NIPAL2: variants seen among roughly 807,000 people sequenced by gnomAD.
NIPAL2 encodes the protein NIPA-like protein 2.
Under a neutral mutation model 48.9 loss-of-function variants are expected in NIPAL2, and 43 were observed. That is an observed-to-expected ratio of 0.88 (90% CI 0.69 to 1.13). The LOEUF (loss-of-function observed/expected upper bound fraction) is 1.13, where lower values mean the gene tolerates loss of function less well. Ranked by LOEUF, NIPAL2 falls within the 50% of genes most tolerant of loss-of-function variation. The pLI, the probability that NIPAL2 is intolerant of heterozygous loss-of-function variation, is 0.00. For missense variants in NIPAL2, 446 were observed against 461.4 expected, an observed-to-expected ratio of 0.97 and a Z score of 0.31; for synonymous variants, 167 against 174.6, an observed-to-expected ratio of 0.96 and a Z score of 0.34.
chr8:98,225,045 C>A (rs971380246), intron 4 of NIPAL2, among the ~76,000 whole-genome samples: 2 of 152,174 alleles, frequency 1.3e-5, no homozygotes, highest in Non-Finnish European at 2.9e-5. Context: ...GAGTGAGCCA[C>A]CGTGCCCGGC....
intron 1 of NIPAL2, among the ~76,000 whole-genome samples, chr8:98,280,510 G>A (rs1815739699): frequency 6.6e-6 from 1 of 151,732 alleles, no homozygotes; most frequent in Non-Finnish European, 1.5e-5. Flanking sequence ...CACACCAGGG[G>A]ACGTGTCTGA....
chr8:98,259,202 G>A (rs1025575011), intron 1 of NIPAL2, among the ~76,000 whole-genome samples: 15 of 146,662 alleles, frequency 1.0e-4, no homozygotes, highest in African/African-American at 2.8e-4. Context: ...TCAGCCTCCC[G>A]TGTAGCTGGG....
At chr8:98,291,626 T>C (rs1029892384) in intron 1 of NIPAL2, among the ~76,000 whole-genome samples, 5 of 152,352 alleles carry the variant, frequency 3.3e-5, no homozygotes, top group East Asian at 3.9e-4. Flanking sequence ...TAGTGCTTTG[T>C]ACATAGCATG....
chr8:98,289,048 T>C (rs543864421), intron 1 of NIPAL2, among the ~76,000 whole-genome samples: 6 of 152,318 alleles, frequency 3.9e-5, no homozygotes, highest in African/African-American at 1.4e-4. Flanking sequence ...TCTATTTTAA[T>C]CTATAGGTCA....
intron 1 of NIPAL2, among the ~76,000 whole-genome samples, chr8:98,280,755 T>G (rs1486504939): frequency 0.011 from 361 of 32,262 alleles, 5 homozygotes; most frequent in East Asian, 0.027. Context: ...TATATATATA[T>G]ATATATAGAG....
At chr8:98,206,112 G>A (rs540245402) in intron 6 of NIPAL2, among the ~76,000 whole-genome samples, 64 of 152,200 alleles carry the variant, frequency 4.2e-4, no homozygotes, top group Admixed American at 1.6e-3. Flanking sequence ...TATGTCCCTC[G>A]AAGTTACTGT....
chr8:98,274,259 ATCTATCTATCTC>A (rs1815329289), intron 1 of NIPAL2, among the ~76,000 whole-genome samples: 1 of 151,896 alleles, frequency 6.6e-6, no homozygotes, highest in Non-Finnish European at 1.5e-5. Flanking sequence ...TCATCTATCT[ATCTATCTATCTC>A]TCTATCTATC....
intron 1 of NIPAL2, among the ~76,000 whole-genome samples, chr8:98,284,386 T>C (rs906405799): frequency 1.3e-5 from 2 of 149,900 alleles, no homozygotes; most frequent in Non-Finnish European, 3.0e-5. Flanking sequence ...GTTTTTCAAG[T>C]ATTTCTAAGG....
intron 1 of NIPAL2, among the ~76,000 whole-genome samples, chr8:98,265,820 G>A (rs1814687303): frequency 6.8e-6 from 1 of 147,252 alleles, no homozygotes; most frequent in South Asian, 2.2e-4. Context: ...CTGCTATAAA[G>A]ACACATGCAC....
At chr8:98,271,830 T>C (rs1173645948) in intron 1 of NIPAL2, among the ~76,000 whole-genome samples, 2 of 152,132 alleles carry the variant, frequency 1.3e-5, no homozygotes, top group African/African-American at 4.8e-5. Context: ...GGATTTGTCA[T>C]AGATGGCTCT....
chr8:98,287,250 CT>C (rs1291752713), intron 1 of NIPAL2, among the ~76,000 whole-genome samples: 3 of 152,304 alleles, frequency 2.0e-5, no homozygotes, highest in Middle Eastern at 3.4e-3. Context: ...CACCAAACAC[CT>C]CTATCAGCTG....
intron 5 of NIPAL2, among the ~76,000 whole-genome samples, chr8:98,217,561 G>A (rs1024555124): frequency 6.6e-6 from 1 of 152,128 alleles, no homozygotes; most frequent in Non-Finnish European, 1.5e-5. Context: ...TGCCACATCT[G>A]AGGATTAAAT....
intron 1 of NIPAL2, among the ~76,000 whole-genome samples, chr8:98,260,257 T>C (rs1433415055): frequency 1.3e-5 from 2 of 152,198 alleles, no homozygotes; most frequent in East Asian, 1.9e-4. Flanking sequence ...GTTTTCTCAA[T>C]TGTAAGATGA....
rs1235693432 is a variant in NIPAL2, at chr8:98,236,215, CTA to C, written c.377-3_377-2del. The C allele has an allele frequency of 3.1e-6, 5 of 1,598,608 alleles. No individual in the cohort carries two copies. Among genetic ancestry groups the C allele is most frequent in the Non-Finnish European group, 4.3e-6 (5 of 1,170,910 alleles). On this transcript the variant is annotated splice_acceptor_variant and splice_polypyrimidine_tract_variant and intron_variant, in intron 3 of 10. Transcript: ENST00000430223. LOFTEE classifies it high-confidence loss of function. ...AATGTAACAGAAATAATGGCACTAC[CTA>C]TAAAGAAAATGGCCATTAGTGGTAG...
In NIPAL2 at chr8:98,282,463, T is replaced by C. The variant is rs555757953; in HGVS notation, c.135+11540A>G. On this transcript the variant is annotated intron_variant, in intron 1 of 10. Transcript: ENST00000430223. The stretch of plus-strand genomic sequence containing the variant: ...CCAAGCAGGAGATAGATCTAGGAGT[T>C]CAGACAAGAAGTAGGGGCAATGAGG... Among the ~76,000 whole-genome samples, 6 of 151,982 alleles carry C rather than the reference T, an allele frequency of 3.9e-5. No homozygotes were observed. The South Asian group carries it at 1.0e-3, about 26-fold the overall frequency.
chr8:98,238,960 C>T (rs1797935024), intron 3 of NIPAL2, among the ~76,000 whole-genome samples: 1 of 152,114 alleles, frequency 6.6e-6, no homozygotes, highest in South Asian at 2.1e-4. Context: ...CAAACCCCTA[C>T]CCCACCCTCC....
At chr8:98,207,385 G>A (rs750138045) in intron 6 of NIPAL2, among the ~76,000 whole-genome samples, 12 of 152,078 alleles carry the variant, frequency 7.9e-5, no homozygotes, top group African/African-American at 1.2e-4. Context: ...TTATTTCTAG[G>A]CTGGTGTTGA....
intron 6 of NIPAL2, among the ~76,000 whole-genome samples, chr8:98,211,517 A>C (rs1035731768): frequency 6.6e-6 from 1 of 152,208 alleles, no homozygotes; most frequent in South Asian, 2.1e-4. Context: ...GGAACATGAA[A>C]ACCCAGCACC....
At chr8:98,197,892 A>G (rs533818122) in intron 8 of NIPAL2, among the ~76,000 whole-genome samples, 33 of 152,302 alleles carry the variant, frequency 2.2e-4, no homozygotes, top group Admixed American at 3.3e-4. Flanking sequence ...ATCATCCAGG[A>G]GGGTTAGAAT....
Sources: allele counts gnomAD v4.1 joint callset (sites outside exome capture counted in the v4.1 genomes callset), GRCh38; gene constraint gnomAD v4.1.1; transcripts MANE v1.5; gene names NCBI Gene and HGNC (gene_info 2026-07-23, HGNC 2026-07-21).